SBDS: variants seen among roughly 807,000 people sequenced by gnomAD.
SBDS encodes SBDS ribosome maturation factor.
Under a neutral mutation model 26.4 loss-of-function variants are expected in SBDS, and 20 were observed. That is an observed-to-expected ratio of 0.76 (90% CI 0.53 to 1.10). SBDS has a LOEUF of 1.10. Among genes scored for constraint, SBDS ranks in the 50% least tolerant of loss-of-function variants. SBDS has a pLI of 0.00. For missense variants in SBDS, 241 were observed against 302.0 expected, an observed-to-expected ratio of 0.80 and a Z score of 1.50; for synonymous variants, 95 against 105.1, an observed-to-expected ratio of 0.90 and a Z score of 0.59.
Position 66,991,241 on chromosome 7 carries a change from G to A in SBDS, c.520C>T (p.Leu174Phe). Reference sequence around the variant, plus strand: ...TCATTGACTGGAAGGATGAACCGAAGCCTCATGTGAGCACGTTCTATCTTC... The same window carrying A: ...TCATTGACTGGAAGGATGAACCGAAACCTCATGTGAGCACGTTCTATCTTC... Reference protein sequence around the residue: ...KMKIERAHMRLRFILPVNEGK... With the variant: ...KMKIERAHMRFRFILPVNEGK... Residue 174 changes from leucine (L) to phenylalanine (F), a missense_variant, in exon 4 of 5, where the codon CTT becomes TTT. By Grantham distance (22) the Leu-to-Phe change is conservative. Transcript: ENST00000246868. The A allele has an allele frequency of 5.6e-6, 9 of 1,614,004 alleles. No homozygotes were observed. Among genetic ancestry groups the A allele is most frequent in the Non-Finnish European group, 7.6e-6 (9 of 1,179,966 alleles).
intron 4 of SBDS, 136 bp from the exon 5 acceptor site, chr7:66,988,635 A>G (rs773550678): frequency 1.7e-4 from 178 of 1,059,240 alleles, no homozygotes; most frequent in Non-Finnish European, 2.3e-4. Context: ...TGCAATAGAT[A>G]AGACAATGGG....
intron 4 of SBDS, among the ~76,000 whole-genome samples, chr7:66,989,056 A>C (rs1205646282): frequency 2.6e-5 from 4 of 152,028 alleles, no homozygotes; most frequent in Admixed American, 6.6e-5. Flanking sequence ...TTTTTAGTAG[A>C]GATAGGGTTT....
In SBDS at chr7:66,995,555, C is replaced by G; in HGVS notation, c.-138G>C. ...ACCACCAGTGCGCGGCGCCGCGACT[C>G]ACTAGCTTCAGGCAGCCGTCACAGT... On this transcript the variant is annotated 5_prime_UTR_variant, in exon 1 of 5. Coordinates refer to ENST00000246868, the MANE Select transcript of SBDS (RefSeq NM_016038.4). 1 of 1,271,776 alleles carries G rather than the reference C, an allele frequency of 7.9e-7. No homozygotes were observed. Among genetic ancestry groups the G allele is most frequent in the South Asian group, 1.3e-5 (1 of 78,014 alleles). The allele number at this position is 1,271,776 out of a possible 1,614,324, so 78.8% of individuals were successfully genotyped here.
chr7:66,990,998 C>T, intron 4 of SBDS, 139 bp downstream of exon 4: 1 of 758,510 alleles, frequency 1.3e-6, no homozygotes, highest in Non-Finnish European at 2.0e-6. Context: ...GCCTGGGCAA[C>T]AGAGCGAGAC....
At position 66,988,306 on chromosome 7, in the gene SBDS, C is replaced by T; in HGVS notation, c.*65G>A. 3.8e-6 allele frequency: 6 copies of T among 1,570,180 alleles called. No individual in the cohort carries two copies. The highest frequency in any genetic ancestry group is 1.3e-5 in the African/African-American group (1 of 74,286). On this transcript the variant is annotated 3_prime_UTR_variant, in exon 5 of 5. Transcript: ENST00000246868. ...AAGCAAGTATTTGGCAGACCACAGA[C>T]ATGAAACAGTGCCGTCGGAAACGGA...
intron 1 of SBDS, among the ~76,000 whole-genome samples, chr7:66,994,816 G>A (rs2129232695): frequency 6.6e-6 from 1 of 152,288 alleles, no homozygotes; most frequent in Non-Finnish European, 1.5e-5. Context: ...AAATGTCATG[G>A]GAGGACGTAA....
intron 4 of SBDS, among the ~76,000 whole-genome samples, chr7:66,989,949 C>A (rs1792940074): frequency 6.6e-6 from 1 of 152,080 alleles, no homozygotes; most frequent in South Asian, 2.1e-4. Context: ...GACTATCCTG[C>A]ATACAACTCA....
chr7:66,994,502 C>CCGCA, intron 1 of SBDS, 161 bp from the exon 2 acceptor site: 1 of 692,680 alleles, frequency 1.4e-6, no homozygotes, highest in Non-Finnish European at 2.5e-6. Context: ...TACCCCCCAA[C>CCGCA]CCCCGCCCCT....
At chr7:66,991,963 G>A (rs1792985156) in intron 3 of SBDS, among the ~76,000 whole-genome samples, 1 of 152,152 alleles carries the variant, frequency 6.6e-6, no homozygotes, top group African/African-American at 2.4e-5. Context: ...ACTGATGGTG[G>A]TAAAGTAAAA....
rs374147085 is a variant in SBDS, at chr7:66,988,330, G to A, written c.*41C>T. ...ACATGAAACAGTGCCGTCGGAAACG[G>A]AAACACTTTAGTGTTTTAGAGGTGA... On this transcript the variant is annotated 3_prime_UTR_variant, in exon 5 of 5. Transcript: ENST00000246868. 1.9e-6 allele frequency: 3 copies of A among 1,604,854 alleles called. No homozygotes were observed. Among genetic ancestry groups the A allele is most frequent in the Non-Finnish European group, 2.6e-6 (3 of 1,175,134 alleles).
At position 66,995,458 on chromosome 7, in the gene SBDS, G is replaced by C. The variant is rs762472602; in HGVS notation, c.-41C>G. 6.2e-7 allele frequency: 1 copy of C among 1,612,296 alleles called. No individual in the cohort carries two copies. The highest frequency in any genetic ancestry group is 8.5e-7 in the Non-Finnish European group (1 of 1,179,844). The stretch of plus-strand genomic sequence containing the variant: ...ACCCAGAAGCCGGCGAACCAGGGCT[G>C]ACCCGCGCCGTCCAGCCTGAAGGCC... On this transcript the variant is annotated 5_prime_UTR_variant, in exon 1 of 5. Transcript: ENST00000246868.
Position 66,995,573 on chromosome 7 carries a change from G to T in SBDS, c.-156C>A. ...CGCGACTCACTAGCTTCAGGCAGCC[G>T]TCACAGTGTGTCTGGCAGGCTTACT... On this transcript the variant is annotated 5_prime_UTR_variant, in exon 1 of 5. Transcript: ENST00000246868. 2 of 1,044,904 alleles carry T rather than the reference G, an allele frequency of 1.9e-6. No individual in the cohort carries two copies. Among genetic ancestry groups the T allele is most frequent in the East Asian group, 2.6e-5 (1 of 38,700 alleles). 64.7% of individuals were successfully genotyped at this position (1,044,904 alleles called of 1,614,324 possible).
chr7:66,994,587 C>T (rs1793055470), intron 1 of SBDS, among the ~76,000 whole-genome samples: 1 of 151,844 alleles, frequency 6.6e-6, no homozygotes, highest in Non-Finnish European at 1.5e-5. Context: ...CTCAGCCTCC[C>T]GGGTTCAAGT....
rs745485178 is a variant in SBDS at position 66,991,220 on chromosome 7, T to C, written c.541A>G (p.Asn181Asp). Residue 181 changes from asparagine (N) to aspartate (D), a missense_variant, in exon 4 of 5, where the codon AAT becomes GAT. By Grantham distance (23) the Asn-to-Asp change is conservative (BLOSUM62 1). Coordinates refer to ENST00000246868, the MANE Select transcript of SBDS (RefSeq NM_016038.4). ...TTTTCTTTCAGCTTCTTGCCTTCAT[T>C]GACTGGAAGGATGAACCGAAGCCTC... ...HMRLRFILPV[N>D]EGKKLKEKLK... 1.2e-6 allele frequency: 2 copies of C among 1,614,012 alleles called. No individual in the cohort carries two copies. The highest frequency in any genetic ancestry group is 2.2e-5 in the East Asian group (1 of 44,874).
intron 3 of SBDS, 151 bp downstream of exon 3, chr7:66,993,066 G>A (rs1377800692): frequency 1.8e-5 from 14 of 774,246 alleles, no homozygotes; most frequent in Non-Finnish European, 2.9e-5. Flanking sequence ...GCTGTTTCCA[G>A]GCCTCAAGCA....
Position 66,993,393 on chromosome 7 carries a change from C to G in SBDS, c.283G>C (p.Val95Leu). 6.2e-7 allele frequency: 1 copy of G among 1,614,048 alleles called. No homozygotes were observed. The highest frequency in any genetic ancestry group is 8.5e-7 in the Non-Finnish European group (1 of 1,179,984). ...KQILTKGEVQ[V>L]SDKERHTQLE... is the part of the protein sequence containing the mutation. Reference sequence around the variant, plus strand: ...TGTGTGTGTCTTTCTTTATCTGATACTTGAACTTCTCCTTTAGTCAAAATC... The same window carrying G: ...TGTGTGTGTCTTTCTTTATCTGATAGTTGAACTTCTCCTTTAGTCAAAATC... Residue 95 changes from valine (V) to leucine (L), a missense_variant, in exon 3 of 5, where the codon GTA becomes CTA. Transcript: ENST00000246868.
chr7:66,992,044 GA>G (rs1452344909), intron 3 of SBDS, among the ~76,000 whole-genome samples: 1 of 152,200 alleles, frequency 6.6e-6, no homozygotes, highest in Non-Finnish European at 1.5e-5. Context: ...TGTCTACACA[GA>G]AACATACAAG....
At position 66,995,393 on chromosome 7, in the gene SBDS, G is replaced by T. The variant is rs777720287; in HGVS notation, c.25C>A (p.Gln9Lys). 6.2e-7 allele frequency: 1 copy of T among 1,614,026 alleles called. No individual in the cohort carries two copies. The highest frequency in any genetic ancestry group is 8.5e-7 in the Non-Finnish European group (1 of 1,180,006). MSIFTPTN[Q>K]IRLTNVAVVR... ...ACGGCCACATTGGTTAGGCGGATCT[G>T]GTTGGTGGGGGTGAAGATCGACATC... The change falls in exon 1 of 5, where the codon CAG becomes AAG. Residue 9 changes from glutamine to lysine, a missense_variant. By Grantham distance (53) the Gln-to-Lys change is moderately conservative (BLOSUM62 1). Coordinates refer to ENST00000246868, the MANE Select transcript of SBDS (RefSeq NM_016038.4).
At chr7:66,995,224 G>C in intron 1 of SBDS, 66 bp downstream of exon 1, 2 of 1,609,238 alleles carry the variant, frequency 1.2e-6, no homozygotes, top group Non-Finnish European at 1.7e-6. Context: ...GACTTGGGCA[G>C]AGACAGGCCG....
Sources: allele counts gnomAD v4.1 joint callset (sites outside exome capture counted in the v4.1 genomes callset), GRCh38; gene constraint gnomAD v4.1.1; transcripts MANE v1.5; gene names NCBI Gene and HGNC (gene_info 2026-07-23, HGNC 2026-07-21).